Variants in ARHGAP15 observed in about 807,000 individuals in gnomAD.
The protein encoded by ARHGAP15 is Rho GTPase activating protein 15.
ARHGAP15 carries 51 observed loss-of-function variants against 63.7 expected under a neutral mutation model. The observed-to-expected ratio is 0.80, with a 90% CI of 0.64 to 1.01. ARHGAP15 has a LOEUF of 1.01. ARHGAP15 is among the 50% of genes least tolerant of loss of function. ARHGAP15 has a pLI of 0.00. For synonymous variants in ARHGAP15, 191 were observed against 193.8 expected (o/e 0.99, Z 0.12); for missense variants, 560 against 564.6 (o/e 0.99, Z 0.08).
chr2:143,439,523 A>C (rs1298273664), intron 8 of ARHGAP15, among the ~76,000 whole-genome samples: 1 of 46,060 alleles, frequency 2.2e-5, no homozygotes, highest in Non-Finnish European at 5.3e-5. Context: ...CTCACCTTTT[A>C]CTTTGAAGTT....
At chr2:143,534,086 C>A (rs1398214275) in intron 10 of ARHGAP15, among the ~76,000 whole-genome samples, 1 of 152,184 alleles carries the variant, frequency 6.6e-6, no homozygotes, top group Non-Finnish European at 1.5e-5. Context: ...TCTCCATAAT[C>A]CCCACATGTC....
chr2:143,416,826 C>CA (rs1273699418), intron 6 of ARHGAP15, among the ~76,000 whole-genome samples: 3 of 38,342 alleles, frequency 7.8e-5, no homozygotes, highest in Non-Finnish European at 1.7e-4. Context: ...CCACCACCCC[C>CA]CCACCCCCAC....
At chr2:143,590,910 T>C (rs1461756338) in intron 11 of ARHGAP15, among the ~76,000 whole-genome samples, 1 of 151,354 alleles carries the variant, frequency 6.6e-6, no homozygotes, top group East Asian at 1.9e-4. Context: ...TGCCGCTGCT[T>C]CAAAGACTTA....
intron 6 of ARHGAP15, among the ~76,000 whole-genome samples, chr2:143,346,819 A>T (rs62170426): frequency 0.18 from 27,621 of 152,046 alleles, 2,795 homozygotes; most frequent in East Asian, 0.41. Flanking sequence ...TGACTGAAAG[A>T]GATAAATTAA....
At chr2:143,755,123 C>G (rs951782812) in intron 13 of ARHGAP15, among the ~76,000 whole-genome samples, 2 of 152,152 alleles carry the variant, frequency 1.3e-5, no homozygotes, top group Non-Finnish European at 2.9e-5. Flanking sequence ...GCAGCCCAAA[C>G]CACACTTCAA....
intron 8 of ARHGAP15, among the ~76,000 whole-genome samples, chr2:143,457,593 A>T (rs987750538): frequency 2.7e-5 from 4 of 150,290 alleles, no homozygotes; most frequent in Non-Finnish European, 4.4e-5. Context: ...TTGTTGACTA[A>T]TATATATTAT....
chr2:143,161,606 C>A (rs1690300533), intron 2 of ARHGAP15, among the ~76,000 whole-genome samples: 1 of 151,910 alleles, frequency 6.6e-6, no homozygotes, highest in African/African-American at 2.4e-5. Flanking sequence ...CTTCTCAAGA[C>A]TGACAGATCA....
At chr2:143,401,085 A>G (rs1018060929) in intron 6 of ARHGAP15, among the ~76,000 whole-genome samples, 18 of 152,054 alleles carry the variant, frequency 1.2e-4, no homozygotes, top group African/African-American at 4.1e-4. Context: ...TTAAGATTTA[A>G]AGAATGTGTA....
intron 6 of ARHGAP15, among the ~76,000 whole-genome samples, chr2:143,400,208 A>C (rs1324038553): frequency 5.3e-5 from 8 of 152,052 alleles, no homozygotes; most frequent in Non-Finnish European, 7.4e-5. Context: ...TAAATGTTAC[A>C]ATAGAAATTT....
At chr2:143,728,899 CATT>C (rs1460963845) in intron 13 of ARHGAP15, among the ~76,000 whole-genome samples, 1 of 152,152 alleles carries the variant, frequency 6.6e-6, no homozygotes, top group Non-Finnish European at 1.5e-5. Context: ...CTTGAAAAAT[CATT>C]ATTATTTTTA....
intron 6 of ARHGAP15, among the ~76,000 whole-genome samples, chr2:143,252,754 A>G (rs1308248688): frequency 6.6e-6 from 1 of 152,058 alleles, no homozygotes; most frequent in Non-Finnish European, 1.5e-5. Context: ...TATGAGAGTA[A>G]GCCTTTTGAG....
chr2:143,218,290 T>TTTTTTTTC (rs1452447581), intron 4 of ARHGAP15, among the ~76,000 whole-genome samples: 1 of 147,484 alleles, frequency 6.8e-6, no homozygotes, highest in African/African-American at 2.5e-5. Flanking sequence ...TTTTTTTTTT[T>TTTTTTTTC]TTTTTTTTTG....
At chr2:143,618,992 T>C (rs1193728748) in intron 11 of ARHGAP15, among the ~76,000 whole-genome samples, 1 of 70,806 alleles carries the variant, frequency 1.4e-5, no homozygotes, top group Non-Finnish European at 4.2e-5. Context: ...CGGGCTACTT[T>C]TTGTTATTTT....
intron 1 of ARHGAP15, among the ~76,000 whole-genome samples, chr2:143,133,256 C>G (rs1688983150): frequency 6.6e-6 from 1 of 152,114 alleles, no homozygotes; most frequent in Admixed American, 6.5e-5. Flanking sequence ...CACAAAAACA[C>G]GGCGTGTCAG....
chr2:143,557,205 C>T (rs558669484), intron 11 of ARHGAP15, among the ~76,000 whole-genome samples: 1 of 152,042 alleles, frequency 6.6e-6, no homozygotes, highest in Admixed American at 6.6e-5. Context: ...TTTACGGCAG[C>T]TTTTTTCATA....
At chr2:143,129,541 G>A (rs1010357567) in intron 1 of ARHGAP15, 75 bp downstream of exon 1, 2 of 152,142 alleles carry the variant, frequency 1.3e-5, no homozygotes, top group African/African-American at 4.8e-5. Flanking sequence ...ATTTTGGTGT[G>A]AACATATAAA....
intron 11 of ARHGAP15, among the ~76,000 whole-genome samples, chr2:143,592,035 T>C (rs889026646): frequency 4.3e-4 from 65 of 152,220 alleles, no homozygotes; most frequent in African/African-American, 1.5e-3. Context: ...TTTCAAATAT[T>C]ATTTATTAAA....
rs748160800 is a variant in ARHGAP15, at chr2:143,435,578, TTTTC to T, written c.475-19_475-16del. 6.9e-7 allele frequency: 1 copy of T among 1,442,840 alleles called. No individual in the cohort carries two copies. The highest frequency in any genetic ancestry group is 9.0e-7 in the Non-Finnish European group (1 of 1,109,412). The allele number at this position is 1,442,840 out of a possible 1,614,324, so 89.4% of individuals were successfully genotyped here. On this transcript the variant is annotated intron_variant, in intron 6 of 13. Coordinates refer to ENST00000295095, the MANE Select transcript of ARHGAP15 (RefSeq NM_018460.4). Reference sequence around the variant, plus strand: ...ATAGTTTCTTTACCTGTCTATTTCTTTTTCTTTTTTTTTTTTTTGCAGATCACAA... The same window carrying T: ...ATAGTTTCTTTACCTGTCTATTTCTTTTTTTTTTTTTTTTGCAGATCACAA...
intron 13 of ARHGAP15, among the ~76,000 whole-genome samples, chr2:143,718,721 G>A (rs1684919651): frequency 6.6e-6 from 1 of 151,994 alleles, no homozygotes; most frequent in African/African-American, 2.4e-5. Context: ...TCTCTTGTCT[G>A]TACTCTGAAA....
Sources: gnomAD v4.1 joint callset for allele counts (sites outside exome capture counted in the v4.1 genomes callset) on GRCh38, gnomAD v4.1.1 for gene constraint, MANE v1.5 for transcripts, NCBI Gene and HGNC (gene_info 2026-07-23, HGNC 2026-07-21) for gene names.